Variants in ABLIM2 observed in about 807,000 individuals in gnomAD.
ABLIM2 encodes actin-binding LIM protein 2.
ABLIM2 carries 53 observed loss-of-function variants against 97.7 expected under a neutral mutation model. The ratio of observed to expected loss-of-function variants is 0.54; its 90% confidence interval spans 0.44 to 0.68. The LOEUF is 0.68. Among genes scored for constraint, ABLIM2 ranks in the 30% least tolerant of loss-of-function variants. The probability of loss-of-function intolerance (pLI) is 0.00; values close to 1 mark genes in which losing one functional copy is unlikely to be tolerated. For missense variants in ABLIM2, 835 were observed against 867.2 expected (o/e 0.96, Z 0.47); for synonymous variants, 361 against 345.8 (o/e 1.04, Z -0.49).
intron 1 of ABLIM2, among the ~76,000 whole-genome samples, chr4:8,157,190 C>A (rs1040864629): frequency 2.6e-5 from 4 of 152,094 alleles, no homozygotes; most frequent in African/African-American, 9.7e-5. Flanking sequence ...TGCCCCAGTG[C>A]CCCCACACCC....
chr4:7,972,256 C>G (rs929372457), intron 20 of ABLIM2, among the ~76,000 whole-genome samples: 2 of 152,204 alleles, frequency 1.3e-5, no homozygotes, highest in Non-Finnish European at 2.9e-5. Flanking sequence ...CCCTCCACAG[C>G]CTTGCACGCC....
At position 7,989,072 on chromosome 4, in the gene ABLIM2, C is replaced by CTTTTTTTTTTTTTTTT. The variant is rs71175445; in HGVS notation, c.1680+3778_1680+3793dup. The stretch of plus-strand genomic sequence containing the variant: ...TTTTTTGTTCACTAGACACATTAGT[C>CTTTTTTTTTTTTTTTT]TTTTTTTTTTTTTTTTTTTTTTTGA... On this transcript the variant is annotated intron_variant, in intron 17 of 20. Transcript: ENST00000447017. 3.7e-5 allele frequency among the ~76,000 whole-genome samples: 3 copies of CTTTTTTTTTTTTTTTT among 81,330 alleles called. 1 individual carries two copies. The highest frequency in any genetic ancestry group is 1.0e-4 in the African/African-American group (2 of 20,088). The allele number at this position is 81,330 out of a possible 152,430, so 53.4% of individuals were successfully genotyped here. A position where few individuals can be genotyped will look rare whatever the true frequency, so the allele number is the denominator to read the frequency against.
intron 9 of ABLIM2, among the ~76,000 whole-genome samples, chr4:8,042,805 C>T (rs1789572943): frequency 6.7e-6 from 1 of 148,196 alleles, no homozygotes; most frequent in African/African-American, 2.5e-5. Flanking sequence ...AGCCGTGGCA[C>T]TCCAGCCTGG....
At chr4:8,144,574 C>G (rs1307182165) in intron 1 of ABLIM2, among the ~76,000 whole-genome samples, 1 of 152,210 alleles carries the variant, frequency 6.6e-6, no homozygotes, top group African/African-American at 2.4e-5. Context: ...CGCCATTCAG[C>G]TGAGCACAGG....
chr4:8,099,232 G>A (rs1833234896), intron 2 of ABLIM2, among the ~76,000 whole-genome samples: 1 of 152,216 alleles, frequency 6.6e-6, no homozygotes, highest in Admixed American at 6.5e-5. Flanking sequence ...AGAGACTTGG[G>A]GGCCTCACTT....
At chr4:8,088,340 G>T (rs1825189200) in intron 3 of ABLIM2, 56 bp from the exon 4 acceptor site, 1 of 1,453,616 alleles carries the variant, frequency 6.9e-7, no homozygotes, top group Non-Finnish European at 9.5e-7. Flanking sequence ...CTCTCTGGGG[G>T]AGCCCTGTCC....
intron 1 of ABLIM2, among the ~76,000 whole-genome samples, chr4:8,133,992 G>T (rs56021360): frequency 0.089 from 13,502 of 152,220 alleles, 630 homozygotes; most frequent in South Asian, 0.12. Flanking sequence ...TTGCAGGGGG[G>T]GGTGACGAAC....
intron 17 of ABLIM2, among the ~76,000 whole-genome samples, chr4:7,985,383 C>G (rs1223488260): frequency 1.3e-5 from 2 of 152,164 alleles, no homozygotes; most frequent in Non-Finnish European, 2.9e-5. Context: ...CAGGGAGCCC[C>G]AGGGTCCACC....
intron 1 of ABLIM2, among the ~76,000 whole-genome samples, chr4:8,107,007 G>A (rs1435126642): frequency 6.6e-6 from 1 of 152,192 alleles, no homozygotes; most frequent in Admixed American, 6.5e-5. Flanking sequence ...AACCTGGCAC[G>A]ACCTTACCCT....
intron 16 of ABLIM2, among the ~76,000 whole-genome samples, chr4:8,006,166 C>A (rs554852300): frequency 7.9e-5 from 12 of 152,208 alleles, no homozygotes; most frequent in Admixed American, 1.3e-4. Flanking sequence ...CATTTTCAAA[C>A]GAGGAAGCAG....
chr4:8,144,935 G>A (rs1449528042), intron 1 of ABLIM2, among the ~76,000 whole-genome samples: 4 of 152,250 alleles, frequency 2.6e-5, no homozygotes, highest in Admixed American at 6.5e-5. Flanking sequence ...CCCGTGGGGA[G>A]ACACGCTCTG....
intron 12 of ABLIM2, among the ~76,000 whole-genome samples, chr4:8,024,409 G>A (rs1421035207): frequency 6.6e-6 from 1 of 152,188 alleles, no homozygotes; most frequent in Non-Finnish European, 1.5e-5. Context: ...CCAGCATTCG[G>A]TGGGGGGTGG....
chr4:8,130,562 G>A lies in ABLIM2; in HGVS notation c.11-23925C>T, dbSNP rs571485781. Among the ~76,000 whole-genome samples the A allele has an allele frequency of 5.3e-5, 8 of 152,192 alleles. No individual in the cohort carries two copies. Among genetic ancestry groups the A allele is most frequent in the African/African-American group, 9.6e-5 (4 of 41,524 alleles). ...GTGAGGTGGCGCCACGCTTGGCCCCGCATTACTGGGACTTGAAGGGAGGCA... is the reference window on the plus strand; with the variant it reads ...GTGAGGTGGCGCCACGCTTGGCCCCACATTACTGGGACTTGAAGGGAGGCA... On this transcript the variant is annotated intron_variant, in intron 1 of 20. Transcript: ENST00000447017. This position sits in a 1 kb window ranked among gnomAD's most constrained non-coding sequence, Gnocchi z 4.2.
In ABLIM2 at chr4:8,069,417, C is replaced by T. The variant is rs2152300958; in HGVS notation, c.675+8211G>A. ...GGCTCGGAGGGTCCCACCACGAAGACAGTGATGAGCACATTGCCCGGGGAC... is the reference window on the plus strand; with the variant it reads ...GGCTCGGAGGGTCCCACCACGAAGATAGTGATGAGCACATTGCCCGGGGAC... On this transcript the variant is annotated intron_variant, in intron 6 of 20. Transcript: ENST00000447017. The surrounding 1 kb of genome is among the most constrained non-coding windows in gnomAD (Gnocchi z 4.2). 6.6e-6 allele frequency among the ~76,000 whole-genome samples: 1 copy of T among 152,330 alleles called. No individual in the cohort carries two copies. The highest frequency in any genetic ancestry group is 3.4e-3 in the Middle Eastern group (1 of 294).
chr4:8,030,313 T>G (rs1271951572), intron 10 of ABLIM2, among the ~76,000 whole-genome samples: 1 of 152,120 alleles, frequency 6.6e-6, no homozygotes, highest in Non-Finnish European at 1.5e-5. Context: ...AGCAGCTGTT[T>G]GCAGCAGGCA....
At chr4:8,047,951 C>T (rs1356912851) in intron 8 of ABLIM2, among the ~76,000 whole-genome samples, 1 of 152,246 alleles carries the variant, frequency 6.6e-6, no homozygotes, top group Non-Finnish European at 1.5e-5. Context: ...AGCACACCAA[C>T]AGCAGCACAG....
chr4:7,973,589 C>T (rs1339775663), intron 20 of ABLIM2, among the ~76,000 whole-genome samples: 2 of 152,068 alleles, frequency 1.3e-5, no homozygotes, highest in African/African-American at 4.8e-5. Context: ...CTGCAGGGCC[C>T]TGGACCGTGT....
At position 8,083,335 on chromosome 4, in the gene ABLIM2, A is replaced by T. The variant is rs1821153128; in HGVS notation, c.455-2533T>A. On this transcript the variant is annotated intron_variant, in intron 4 of 20. Transcript: ENST00000447017. This position sits in a 1 kb window ranked among gnomAD's most constrained non-coding sequence, Gnocchi z 4.6. ...GTGTGATCCGTGAATAAATGCACAC[A>T]CGTTGACCGGTGAGGTGGGCCCACC... 6.6e-6 allele frequency among the ~76,000 whole-genome samples: 1 copy of T among 152,140 alleles called. No individual in the cohort carries two copies.
At chr4:8,133,409 G>A (rs1410589951) in intron 1 of ABLIM2, among the ~76,000 whole-genome samples, 1 of 152,120 alleles carries the variant, frequency 6.6e-6, no homozygotes, top group Non-Finnish European at 1.5e-5. Context: ...CCCCTGCGGG[G>A]TATCTCTTCT....
Sources: gnomAD v4.1 joint callset for allele counts (sites outside exome capture counted in the v4.1 genomes callset) on GRCh38, gnomAD v4.1.1 for gene constraint, Gnocchi (gnomAD v3.1) non-coding constraint, MANE v1.5 for transcripts, NCBI Gene and HGNC (gene_info 2026-07-23, HGNC 2026-07-21) for gene names.